Variants in TMC2 observed in about 807,000 individuals in gnomAD.
The protein encoded by TMC2 is transmembrane channel like 2.
In TMC2, 102 loss-of-function variants were observed where a neutral mutation model predicts 105.9. The observed-to-expected ratio is 0.96, with a 90% CI of 0.82 to 1.14. The LOEUF (loss-of-function observed/expected upper bound fraction) is 1.14, where lower values mean the gene tolerates loss of function less well. TMC2 is among the 50% of genes most tolerant of loss of function. The probability of loss-of-function intolerance (pLI) is 0.00; values close to 1 mark genes in which losing one functional copy is unlikely to be tolerated. For synonymous variants in TMC2, 402 were observed against 422.8 expected, an observed-to-expected ratio of 0.95 and a Z score of 0.60; for missense variants, 1,093 against 1,134.3, an observed-to-expected ratio of 0.96 and a Z score of 0.52.
At chr20:2,623,799 A>G (rs2086544250) in intron 16 of TMC2, among the ~76,000 whole-genome samples, 1 of 152,200 alleles carries the variant, frequency 6.6e-6, no homozygotes, top group South Asian at 2.1e-4. Flanking sequence ...AGGTGATCCA[A>G]TATCTCCTAG....
intron 17 of TMC2, 122 bp from the exon 18 acceptor site, chr20:2,635,804 A>C (rs1242507146): frequency 1.7e-5 from 13 of 749,632 alleles, no homozygotes; most frequent in Non-Finnish European, 2.8e-5. Flanking sequence ...AGATGGTAGG[A>C]CACCCACCCA....
chr20:2,643,315 A>G lies in TMC2; in HGVS notation c.*1964A>G, dbSNP rs917576972. ...CAGAAGGCCCAAAGATGGCCACCAC[A>G]CCAACACCTGGCCTTCTGCATCAGA... On this transcript the variant is annotated 3_prime_UTR_variant, in exon 20 of 20. Coordinates refer to ENST00000358864, the MANE Select transcript of TMC2 (RefSeq NM_080751.3). Among the ~76,000 whole-genome samples the G allele has an allele frequency of 6.6e-6, 1 of 152,158 alleles. No individual in the cohort carries two copies. Among genetic ancestry groups the G allele is most frequent in the South Asian group, 2.1e-4 (1 of 4,822 alleles).
chr20:2,624,055 G>A (rs78102834), intron 16 of TMC2, among the ~76,000 whole-genome samples: 401 of 152,338 alleles, frequency 2.6e-3, no homozygotes, highest in African/African-American at 8.6e-3. Flanking sequence ...ATAGAAAGCC[G>A]GTGAGCCGTG....
chr20:2,623,875 T>A (rs2146256995), intron 16 of TMC2, among the ~76,000 whole-genome samples: 1 of 152,348 alleles, frequency 6.6e-6, no homozygotes, highest in East Asian at 1.9e-4. Flanking sequence ...GCACATCAGC[T>A]TCTGCAGAAC....
intron 2 of TMC2, among the ~76,000 whole-genome samples, chr20:2,552,739 C>G (rs2085964377): frequency 6.6e-6 from 1 of 152,132 alleles, no homozygotes; most frequent in African/African-American, 2.4e-5. Flanking sequence ...TGGTCTGGAA[C>G]TCCGGACCTC....
At chr20:2,562,821 C>T (rs1600102125) in intron 4 of TMC2, among the ~76,000 whole-genome samples, 1 of 151,970 alleles carries the variant, frequency 6.6e-6, no homozygotes. Flanking sequence ...TTGCGGGCAC[C>T]TGTAGTCCCA....
chr20:2,628,970 C>A (rs1269278587), intron 17 of TMC2, among the ~76,000 whole-genome samples: 765 of 135,052 alleles, frequency 5.7e-3, no homozygotes, highest in South Asian at 7.8e-3. Context: ...GGCGTGGTGG[C>A]GGGCGCCTGT....
intron 13 of TMC2, among the ~76,000 whole-genome samples, chr20:2,612,837 G>A (rs548613421): frequency 2.6e-5 from 4 of 152,282 alleles, no homozygotes; most frequent in South Asian, 2.1e-4. Flanking sequence ...CAAGGCCTTC[G>A]GGTCCTAGTG....
chr20:2,614,587 T>C (rs564529887), intron 14 of TMC2, among the ~76,000 whole-genome samples: 3 of 152,024 alleles, frequency 2.0e-5, no homozygotes, highest in African/African-American at 7.2e-5. Flanking sequence ...TCTCAAAAAG[T>C]ATATAAAGAA....
At position 2,568,055 on chromosome 20, in the gene TMC2, A is replaced by G. The variant is rs185803358; in HGVS notation, c.555-4124A>G. On this transcript the variant is annotated intron_variant, in intron 4 of 19. Coordinates refer to ENST00000358864, the MANE Select transcript of TMC2 (RefSeq NM_080751.3). ...CGTTGGAATTCCAGAAAAAGAGGAG[A>G]AAAAGGATGAGACTGAAAAAGTATT... 2.6e-3 allele frequency among the ~76,000 whole-genome samples: 398 copies of G among 152,328 alleles called. 2 individuals carry two copies. The highest frequency in any genetic ancestry group is 7.7e-3 in the African/African-American group (321 of 41,558).
At chr20:2,641,011 A>C in intron 19 of TMC2, 123 bp from the exon 20 acceptor site, 1 of 806,394 alleles carries the variant, frequency 1.2e-6, no homozygotes, top group East Asian at 2.5e-5. Flanking sequence ...GTGCAATCCG[A>C]CAGCTCTCAC....
chr20:2,595,043 T>G, intron 9 of TMC2, 76 bp downstream of exon 9: 2 of 1,490,302 alleles, frequency 1.3e-6, no homozygotes, highest in Non-Finnish European at 1.8e-6. Flanking sequence ...TATGCCTACC[T>G]CCCTTCTGGT....
chr20:2,563,106 TAGGA>T (rs2086039314), intron 4 of TMC2, among the ~76,000 whole-genome samples: 1 of 152,172 alleles, frequency 6.6e-6, no homozygotes, highest in Non-Finnish European at 1.5e-5. Context: ...GTTTCCTCTG[TAGGA>T]AGCCCATGCT....
chr20:2,573,561 CT>C lies in TMC2; in HGVS notation c.645+1309del, dbSNP rs370771531. ...AATTCTTTTTTTTTTCTTTTCTTTT[CT>C]TTTTTTTTTTTTTTTTGAGACGGAG... On this transcript the variant is annotated intron_variant, in intron 5 of 19. Transcript: ENST00000358864. Among the ~76,000 whole-genome samples, 596 of 116,950 alleles carry C rather than the reference CT, an allele frequency of 5.1e-3. 1 individual carries two copies. The highest frequency in any genetic ancestry group is 7.6e-3 in the African/African-American group (230 of 30,392). 76.7% of individuals were successfully genotyped at this position (116,950 alleles called of 152,430 possible).
intron 3 of TMC2, among the ~76,000 whole-genome samples, chr20:2,560,054 C>G (rs1222128176): frequency 6.6e-6 from 1 of 152,130 alleles, no homozygotes; most frequent in Non-Finnish European, 1.5e-5. Flanking sequence ...AAGCAATATG[C>G]ATGCAAGACA....
rs910271 is a variant in TMC2 at position 2,635,910 on chromosome 20, T to C, written c.2307-16T>C. On this transcript the variant is annotated splice_polypyrimidine_tract_variant and intron_variant, in intron 17 of 19. Transcript: ENST00000358864. ...CAAGATCACGGGACCATAGGAGGCA[T>C]GCTTTTCTCTTGCAGCTTGGCCATT... 1,220,945 of 1,609,210 alleles carry C rather than the reference T, an allele frequency of 0.76. 464,590 individuals carry two copies. The highest frequency in any genetic ancestry group is 0.86 in the Admixed American group (51,289 of 59,982).
At chr20:2,565,685 C>T in intron 4 of TMC2, among the ~76,000 whole-genome samples, 1 of 152,160 alleles carries the variant, frequency 6.6e-6, no homozygotes, top group Non-Finnish European at 1.5e-5. Flanking sequence ...TGTGGGGGCC[C>T]CATTCTCTGG....
intron 17 of TMC2, among the ~76,000 whole-genome samples, chr20:2,628,708 G>A (rs2095712495): frequency 6.6e-6 from 1 of 152,162 alleles, no homozygotes; most frequent in Non-Finnish European, 1.5e-5. Flanking sequence ...CCACCTGTAA[G>A]TTTCCTGAGG....
Position 2,558,524 on chromosome 20 carries a change from G to A in TMC2, c.151G>A (p.Gly51Arg). The A allele has an allele frequency of 3.2e-6, 5 of 1,555,538 alleles. No homozygotes were observed. The highest frequency in any genetic ancestry group is 4.3e-6 in the Non-Finnish European group (5 of 1,149,586). The change falls in exon 3 of 20, where the codon GGA (glycine) becomes AGA (arginine). Residue 51 changes from glycine to arginine, a missense_variant. Physicochemically the swap from Gly to Arg is moderately radical, Grantham distance 125. Transcript: ENST00000358864. The surrounding 1 kb of genome is among the most constrained non-coding windows in gnomAD (Gnocchi z 4.6). ...LKAEGTPGRR[G>R]AQRSQKERAG... ...AGCCGAGGGGACCCCAGGCAGGCGC[G>A]GAGCTCAGCGAAGCCAGAAGGAGCG...
Sources: allele counts gnomAD v4.1 joint callset (sites outside exome capture counted in the v4.1 genomes callset), GRCh38; gene constraint gnomAD v4.1.1; non-coding constraint Gnocchi (gnomAD v3.1); transcripts MANE v1.5; gene names NCBI Gene and HGNC (gene_info 2026-07-23, HGNC 2026-07-21).